COL23A1: variants seen among roughly 807,000 people sequenced by gnomAD.
COL23A1 encodes collagen alpha-1(XXIII) chain.
A neutral mutation model predicts 99.3 loss-of-function variants in COL23A1; 97 were observed. The ratio of observed to expected loss-of-function variants is 0.98; its 90% CI spans 0.83 to 1.16. The LOEUF (loss-of-function observed/expected upper bound fraction) is 1.16, where lower values mean the gene tolerates loss of function less well. Among genes scored for constraint, COL23A1 ranks in the 50% most tolerant of loss-of-function variants. COL23A1 has a pLI of 0.00. For missense variants in COL23A1, 762 were observed against 757.4 expected (o/e 1.01, Z -0.07); for synonymous variants, 320 against 308.2 (o/e 1.04, Z -0.40).
chr5:178,513,103 C>T (rs150676899), intron 2 of COL23A1, among the ~76,000 whole-genome samples: 4 of 152,296 alleles, frequency 2.6e-5, no homozygotes, highest in Non-Finnish European at 5.9e-5. Flanking sequence ...AGGAGGAAGG[C>T]TGGATGTTCC....
chr5:178,370,109 C>G (rs760150134), intron 2 of COL23A1, among the ~76,000 whole-genome samples: 1 of 152,224 alleles, frequency 6.6e-6, no homozygotes, highest in African/African-American at 2.4e-5. Flanking sequence ...CGTGTCTGCA[C>G]GGCAGGTTCC....
chr5:178,481,436 C>T lies in COL23A1; in HGVS notation c.361+79246G>A, dbSNP rs1757333115. On this transcript the variant is annotated intron_variant, in intron 2 of 28. Transcript: ENST00000390654. ...GGACACTACTGAGAGAGTATAAAGA[C>T]AACCCAGAGAATTTGCAAGTCATAT... is the stretch of plus-strand genomic sequence containing the variant. Among the ~76,000 whole-genome samples, 3 of 151,942 alleles carry T rather than the reference C, an allele frequency of 2.0e-5. No individual in the cohort carries two copies. The South Asian group carries it at 6.2e-4, about 31-fold the overall frequency.
At chr5:178,560,615 T>G in intron 2 of COL23A1, 67 bp downstream of exon 2, 1 of 1,442,332 alleles carries the variant, frequency 6.9e-7, no homozygotes, top group Non-Finnish European at 9.6e-7. Context: ...GACCATGCTG[T>G]TCTCAGCAAT....
chr5:178,339,857 G>A (rs1760554522), intron 2 of COL23A1, among the ~76,000 whole-genome samples: 1 of 152,202 alleles, frequency 6.6e-6, no homozygotes, highest in African/African-American at 2.4e-5. Context: ...GAGAGAGGAA[G>A]CATTCCTGGC....
intron 2 of COL23A1, among the ~76,000 whole-genome samples, chr5:178,467,212 A>G (rs1395734325): frequency 6.6e-6 from 1 of 152,108 alleles, no homozygotes; most frequent in Non-Finnish European, 1.5e-5. Context: ...ATCTTTAGGG[A>G]CAGGAACAGG....
intron 1 of COL23A1, among the ~76,000 whole-genome samples, chr5:178,565,956 A>C (rs1762820318): frequency 6.9e-6 from 1 of 145,664 alleles, no homozygotes; most frequent in Admixed American, 6.8e-5. Context: ...CTACTAAAAA[A>C]AATACAAAAA....
At chr5:178,256,814 T>C (rs1581464098) in intron 14 of COL23A1, 52 bp downstream of exon 14, 3 of 1,553,746 alleles carry the variant, frequency 1.9e-6, no homozygotes, top group East Asian at 2.3e-5. Flanking sequence ...CCCGACTGGG[T>C]GGAGGTCTGA....
At chr5:178,516,372 GT>G (rs1160024256) in intron 2 of COL23A1, among the ~76,000 whole-genome samples, 1 of 152,164 alleles carries the variant, frequency 6.6e-6, no homozygotes, top group African/African-American at 2.4e-5. Context: ...AGATGCCAAC[GT>G]GCCCAAAGGC....
intron 2 of COL23A1, among the ~76,000 whole-genome samples, chr5:178,397,559 T>C (rs1764218469): frequency 6.6e-6 from 1 of 152,232 alleles, no homozygotes; most frequent in South Asian, 2.1e-4. Context: ...CCCCCACTCA[T>C]GCCGCTGTCT....
intron 2 of COL23A1, among the ~76,000 whole-genome samples, chr5:178,422,655 T>C (rs1398205675): frequency 6.6e-6 from 1 of 152,068 alleles, no homozygotes; most frequent in East Asian, 1.9e-4. Flanking sequence ...GTGGTCGCCA[T>C]CCATCAGCCT....
At chr5:178,470,520 G>A (rs895415878) in intron 2 of COL23A1, among the ~76,000 whole-genome samples, 1 of 152,130 alleles carries the variant, frequency 6.6e-6, no homozygotes, top group Admixed American at 6.5e-5. Flanking sequence ...CGAGCAGAGG[G>A]CCCCTGCAGG....
In COL23A1 at chr5:178,281,992, C is replaced by G. The variant is rs1756923810; in HGVS notation, c.441+6332G>C. ...ACTTGAACCCAGGAGGCGAAGGTTA[C>G]AGTGAGCCGAGATCATGCCACTGCA... is the stretch of plus-strand genomic sequence containing the variant. On this transcript the variant is annotated intron_variant, in intron 5 of 28. Transcript: ENST00000390654. This position sits in a 1 kb window ranked among gnomAD's most constrained non-coding sequence, Gnocchi z 4.0. Among the ~76,000 whole-genome samples, 1 of 140,272 alleles carries G rather than the reference C, an allele frequency of 7.1e-6. No individual in the cohort carries two copies. The highest frequency in any genetic ancestry group is 2.6e-5 in the African/African-American group (1 of 38,054). 92.0% of individuals were successfully genotyped at this position (140,272 alleles called of 152,430 possible). A position where few individuals can be genotyped will look rare whatever the true frequency, so the allele number is the denominator to read the frequency against.
intron 3 of COL23A1, among the ~76,000 whole-genome samples, chr5:178,295,060 T>C (rs1285829939): frequency 6.6e-6 from 1 of 152,142 alleles, no homozygotes; most frequent in African/African-American, 2.4e-5. Context: ...TGGCGTGTGC[T>C]TGTGATCCCA....
intron 2 of COL23A1, among the ~76,000 whole-genome samples, chr5:178,355,737 G>A (rs76291182): frequency 8.5e-5 from 13 of 152,116 alleles, no homozygotes; most frequent in South Asian, 4.1e-4. Context: ...TGATCCGCCC[G>A]CCTCGGCCTC....
chr5:178,381,007 G>A (rs527671627), intron 2 of COL23A1, among the ~76,000 whole-genome samples: 1 of 152,214 alleles, frequency 6.6e-6, no homozygotes, highest in Non-Finnish European at 1.5e-5. Context: ...GTGCTACCAG[G>A]CAGATTTCAT....
intron 2 of COL23A1, among the ~76,000 whole-genome samples, chr5:178,470,793 C>CA (rs11403445): frequency 0.81 from 123,570 of 152,092 alleles, 51,199 homozygotes; most frequent in Non-Finnish European, 0.9. Context: ...CCTCCTGTCT[C>CA]AAGGAGCCCA....
chr5:178,542,117 G>A lies in COL23A1; in HGVS notation c.361+18565C>T, dbSNP rs374709155. 5.1e-4 allele frequency among the ~76,000 whole-genome samples: 78 copies of A among 152,252 alleles called. No homozygotes were observed. The East Asian group carries it at 0.013, about 25-fold the overall frequency. ...TGGCTCACTGCAACCTCCGCCTCCCGGGTTCAAGCAGTTCTCGAGCCTCAG... is the reference window on the plus strand; with the variant it reads ...TGGCTCACTGCAACCTCCGCCTCCCAGGTTCAAGCAGTTCTCGAGCCTCAG... On this transcript the variant is annotated intron_variant, in intron 2 of 28. Coordinates refer to ENST00000390654, the MANE Select transcript of COL23A1 (RefSeq NM_173465.4).
At chr5:178,394,216 G>T (rs879465743) in intron 2 of COL23A1, among the ~76,000 whole-genome samples, 3 of 152,198 alleles carry the variant, frequency 2.0e-5, no homozygotes, top group Non-Finnish European at 2.9e-5. Context: ...TGCCCTGCAG[G>T]CCTGGAGCCT....
chr5:178,518,041 C>T (rs1461729958), intron 2 of COL23A1, among the ~76,000 whole-genome samples: 1 of 129,406 alleles, frequency 7.7e-6, no homozygotes, highest in African/African-American at 3.4e-5. Flanking sequence ...GAGGACCCTG[C>T]GGCCTTCCGC....
Sources: allele counts gnomAD v4.1 joint callset (sites outside exome capture counted in the v4.1 genomes callset), GRCh38; gene constraint gnomAD v4.1.1; non-coding constraint Gnocchi (gnomAD v3.1); transcripts MANE v1.5; gene names NCBI Gene and HGNC (gene_info 2026-07-23, HGNC 2026-07-21).